Variants in RAD51B observed in about 807,000 individuals in gnomAD.
The protein encoded by RAD51B is DNA repair protein RAD51 homolog 2.
In RAD51B, 38 loss-of-function variants were observed where a neutral mutation model predicts 42.2. The ratio of observed to expected loss-of-function variants is 0.90; its 90% confidence interval spans 0.70 to 1.18. The LOEUF is 1.18. Among genes scored for constraint, RAD51B ranks in the 50% most tolerant of loss-of-function variants. The pLI, the probability that RAD51B is intolerant of heterozygous loss-of-function variation, is 0.00. For missense variants in RAD51B, 373 were observed against 400.7 expected, an observed-to-expected ratio of 0.93 and a Z score of 0.59; for synonymous variants, 154 against 145.2, an observed-to-expected ratio of 1.06 and a Z score of -0.43.
At chr14:67,835,855 C>CA (rs1566915233) in intron 4 of RAD51B, among the ~76,000 whole-genome samples, 1 of 149,540 alleles carries the variant, frequency 6.7e-6, no homozygotes, top group Non-Finnish European at 1.5e-5. Context: ...GACCCTGTCT[C>CA]AAAAAAAAGA....
intron 7 of RAD51B, among the ~76,000 whole-genome samples, chr14:67,983,605 A>G (rs753990806): frequency 5.9e-5 from 9 of 152,204 alleles, no homozygotes; most frequent in South Asian, 2.1e-4. Flanking sequence ...TACTATATAT[A>G]ATGATGTTTA....
rs531744568 is a variant in RAD51B, at chr14:68,323,295, T to C, written c.853+31315T>C. 6.6e-5 allele frequency among the ~76,000 whole-genome samples: 10 copies of C among 152,304 alleles called. No homozygotes were observed. In the East Asian group the frequency reaches 1.9e-3, roughly 29 times the overall value. On this transcript the variant is annotated intron_variant, in intron 8 of 10. Coordinates refer to ENST00000471583, the MANE Select transcript of RAD51B (RefSeq NM_133510.4). The stretch of plus-strand genomic sequence containing the variant: ...GCTAGTGGCTGAGGGCAGGGTTTCT[T>C]AGAGACCTGAAGATGTGAGCATTCA...
rs114938364 is a variant in RAD51B, at chr14:68,422,220, C to T, written c.957+10693C>T. The T allele has an allele frequency of 4.4e-3, 4,357 of 981,100 alleles. 103 individuals carry two copies. In the African/African-American group the frequency reaches 0.051, roughly 11 times the overall value. The allele number at this position is 981,100 out of a possible 1,614,324, so 60.8% of individuals were successfully genotyped here. ...ATGGCTAATAGTACACGGTTTTCCT[C>T]AGCGGTGGCGTCCGCAGAGCACCCA... On this transcript the variant is annotated intron_variant, in intron 9 of 10. Transcript: ENST00000471583.
At chr14:68,046,088 C>T (rs1442904858) in intron 7 of RAD51B, among the ~76,000 whole-genome samples, 1 of 152,060 alleles carries the variant, frequency 6.6e-6, no homozygotes, top group African/African-American at 2.4e-5. Context: ...GATAGTTCAT[C>T]TTGTAGACTT....
chr14:68,261,600 G>A (rs35369994), intron 7 of RAD51B, among the ~76,000 whole-genome samples: 1 of 152,262 alleles, frequency 6.6e-6, no homozygotes, highest in Non-Finnish European at 1.5e-5. Context: ...GTGCAGCGTT[G>A]CAACTACAAA....
chr14:68,450,552 G>C (rs962996983), intron 9 of RAD51B, among the ~76,000 whole-genome samples: 2 of 152,084 alleles, frequency 1.3e-5, no homozygotes, highest in Non-Finnish European at 2.9e-5. Context: ...TTCTGAACTT[G>C]CCTCCTGTTC....
chr14:68,127,732 T>A (rs2077798251), intron 7 of RAD51B, among the ~76,000 whole-genome samples: 1 of 151,950 alleles, frequency 6.6e-6, no homozygotes, highest in South Asian at 2.1e-4. Flanking sequence ...GTTGATATCA[T>A]CATGATAGGA....
At chr14:68,100,372 G>T (rs1211703683) in intron 7 of RAD51B, among the ~76,000 whole-genome samples, 1 of 152,154 alleles carries the variant, frequency 6.6e-6, no homozygotes, top group Non-Finnish European at 1.5e-5. Flanking sequence ...TTTAGAGACA[G>T]GGTCTCACTG....
chr14:68,335,251 C>T (rs1378798191), intron 8 of RAD51B, among the ~76,000 whole-genome samples: 2 of 140,450 alleles, frequency 1.4e-5, no homozygotes, highest in African/African-American at 5.3e-5. Flanking sequence ...GAGCCGAGAT[C>T]GCACCACTGC....
chr14:68,543,725 C>T (rs777505386), intron 10 of RAD51B, among the ~76,000 whole-genome samples: 3 of 152,274 alleles, frequency 2.0e-5, no homozygotes, highest in Non-Finnish European at 4.4e-5. Flanking sequence ...AACCATACAG[C>T]CACCGCTGGG....
At chr14:68,485,808 A>G (rs12323677) in intron 10 of RAD51B, among the ~76,000 whole-genome samples, 13,788 of 152,220 alleles carry the variant, frequency 0.091, 1,465 homozygotes, top group African/African-American at 0.26. Flanking sequence ...GTTTTTGCCA[A>G]TTGTGTTCTT....
intron 10 of RAD51B, among the ~76,000 whole-genome samples, chr14:68,649,220 G>T (rs1313327049): frequency 6.6e-6 from 1 of 152,200 alleles, no homozygotes; most frequent in Non-Finnish European, 1.5e-5. Flanking sequence ...GCTTTATACT[G>T]ATTGTGACAG....
chr14:68,493,231 A>C (rs1216614508), intron 10 of RAD51B, among the ~76,000 whole-genome samples: 3 of 152,204 alleles, frequency 2.0e-5, no homozygotes, highest in Non-Finnish European at 4.4e-5. Context: ...ATCATAAATC[A>C]AGTTCTCAAA....
At chr14:68,649,403 T>A (rs1394010890) in intron 10 of RAD51B, among the ~76,000 whole-genome samples, 1 of 152,216 alleles carries the variant, frequency 6.6e-6, no homozygotes, top group Non-Finnish European at 1.5e-5. Context: ...TCTGAGCCTC[T>A]GCTCCATTCT....
intron 5 of RAD51B, among the ~76,000 whole-genome samples, chr14:67,880,421 T>G (rs1300721764): frequency 1.3e-5 from 2 of 152,214 alleles, no homozygotes; most frequent in African/African-American, 2.4e-5. Context: ...GTACAGATGT[T>G]TTTCCTTGAG....
chr14:68,215,620 T>G (rs1233518989), intron 7 of RAD51B, among the ~76,000 whole-genome samples: 3 of 152,172 alleles, frequency 2.0e-5, no homozygotes, highest in African/African-American at 7.2e-5. Context: ...AGACCCAGGC[T>G]TTCTGGTTCT....
chr14:68,460,717 T>C (rs889222318), intron 9 of RAD51B, among the ~76,000 whole-genome samples: 1 of 152,178 alleles, frequency 6.6e-6, no homozygotes, highest in African/African-American at 2.4e-5. Flanking sequence ...TTTCTGAGCC[T>C]CTTGGAAGTG....
chr14:68,675,136 A>C (rs552851898), intron 11 of RAD51B, among the ~76,000 whole-genome samples: 1 of 152,292 alleles, frequency 6.6e-6, no homozygotes, highest in South Asian at 2.1e-4. Flanking sequence ...AAGGAGAGAG[A>C]GGACAAAGGT....
rs116586582 is a variant in RAD51B, at chr14:68,522,304, G to T, written c.1036+54054G>T. 7.1e-3 allele frequency among the ~76,000 whole-genome samples: 1,079 copies of T among 152,340 alleles called. 8 individuals are homozygous for T. Among genetic ancestry groups the T allele is most frequent in the African/African-American group, 0.025 (1,053 of 41,578 alleles). ...TGATTACAGACAAGATGGGAGTCAT[G>T]TGGGGTGTCAGCTTCTGTCTCCTGA... is the stretch of plus-strand genomic sequence containing the variant. On this transcript the variant is annotated intron_variant, in intron 10 of 10. Coordinates refer to the RAD51B transcript ENST00000487270.
Sources: allele counts gnomAD v4.1 joint callset (sites outside exome capture counted in the v4.1 genomes callset), GRCh38; gene constraint gnomAD v4.1.1; transcripts MANE v1.5; gene names NCBI Gene and HGNC (gene_info 2026-07-23, HGNC 2026-07-21).